ARHGEF10L: variants seen among roughly 807,000 people sequenced by gnomAD.
ARHGEF10L encodes rho guanine nucleotide exchange factor 10-like protein.
In ARHGEF10L, 69 loss-of-function variants were observed where a neutral mutation model predicts 141.2. That is an observed-to-expected ratio of 0.49 (90% CI 0.40 to 0.60). The LOEUF (loss-of-function observed/expected upper bound fraction) is 0.60, where lower values mean the gene tolerates loss of function less well. Ranked by LOEUF, ARHGEF10L falls within the 20% of genes least tolerant of loss-of-function variation. The pLI, the probability that ARHGEF10L is intolerant of heterozygous loss-of-function variation, is 0.00. For synonymous variants in ARHGEF10L, 711 were observed against 718.5 expected (o/e 0.99, Z 0.17); for missense variants, 1,482 against 1,734.3 (o/e 0.85, Z 2.58).
chr1:17,540,836 G>T (rs1006742618), intron 1 of ARHGEF10L, among the ~76,000 whole-genome samples: 3 of 152,222 alleles, frequency 2.0e-5, no homozygotes, highest in Non-Finnish European at 2.9e-5. Flanking sequence ...CGCCCCACCT[G>T]CCGGGAGCCC....
At chr1:17,653,721 G>C (rs2062068311) in intron 22 of ARHGEF10L, among the ~76,000 whole-genome samples, 1 of 152,220 alleles carries the variant, frequency 6.6e-6, no homozygotes, top group Admixed American at 6.5e-5. Context: ...AGAATAGAAA[G>C]AGCCCTGAAC....
intron 1 of ARHGEF10L, among the ~76,000 whole-genome samples, chr1:17,554,963 A>G (rs2100759781): frequency 6.6e-6 from 1 of 152,242 alleles, no homozygotes; most frequent in Admixed American, 6.5e-5. Flanking sequence ...CAATCAGGAG[A>G]ACAAGAACAA....
In ARHGEF10L at chr1:17,654,738, G is replaced by A. The variant is rs778440849; in HGVS notation, c.2481+16G>A. 6.2e-7 allele frequency: 1 copy of A among 1,610,290 alleles called. No individual in the cohort carries two copies. Among genetic ancestry groups the A allele is most frequent in the South Asian group, 1.1e-5 (1 of 91,038 alleles). ...CTACCTCTGGGTGAGTCACCCCCCT[G>A]CCCAGCTGGGCATTCTGGCCTCAGG... On this transcript the variant is annotated intron_variant, in intron 23 of 28. Coordinates refer to ENST00000361221, the MANE Select transcript of ARHGEF10L (RefSeq NM_018125.4). The surrounding 1 kb of genome is among the most constrained non-coding windows in gnomAD (Gnocchi z 4.3).
chr1:17,609,749 G>C (rs1328212741), intron 7 of ARHGEF10L, among the ~76,000 whole-genome samples: 1 of 152,188 alleles, frequency 6.6e-6, no homozygotes, highest in Non-Finnish European at 1.5e-5. Flanking sequence ...TTGGAGCTGG[G>C]CTTAGGAGCT....
At position 17,654,793 on chromosome 1, in the gene ARHGEF10L, G is replaced by A. The variant is rs111323077; in HGVS notation, c.2481+71G>A. ...GAGTAGGGAGAGCGGCACCTGGGAG[G>A]GGGTGCTGGAGACAGCAGCTGCCTG... On this transcript the variant is annotated intron_variant, in intron 23 of 28. Coordinates refer to ENST00000361221, the MANE Select transcript of ARHGEF10L (RefSeq NM_018125.4). This position sits in a 1 kb window ranked among gnomAD's most constrained non-coding sequence, Gnocchi z 4.3. 1.5e-3 allele frequency: 2,178 copies of A among 1,426,510 alleles called. 31 individuals are homozygous for A. In the African/African-American group the frequency reaches 0.027, roughly 18 times the overall value. The allele number at this position is 1,426,510 out of a possible 1,614,324, so 88.4% of individuals were successfully genotyped here. A position where few individuals can be genotyped will look rare whatever the true frequency, so the allele number is the denominator to read the frequency against.
intron 26 of ARHGEF10L, among the ~76,000 whole-genome samples, chr1:17,680,299 C>T (rs948345920): frequency 6.6e-6 from 1 of 152,240 alleles, no homozygotes; most frequent in Non-Finnish European, 1.5e-5. Flanking sequence ...CTGTGCCCAG[C>T]GAGCCTTCCG....
At chr1:17,618,005 G>A (rs1447546422) in intron 9 of ARHGEF10L, among the ~76,000 whole-genome samples, 2 of 152,136 alleles carry the variant, frequency 1.3e-5, no homozygotes, top group African/African-American at 2.4e-5. Flanking sequence ...AGCCCCACCC[G>A]TGCACTTGGT....
chr1:17,692,390 C>A (rs1016308543), intron 27 of ARHGEF10L, among the ~76,000 whole-genome samples: 19 of 152,230 alleles, frequency 1.2e-4, no homozygotes, highest in Non-Finnish European at 2.6e-4. Context: ...GTGTCTCAGA[C>A]CACACATCCA....
At chr1:17,518,433 A>T in the ARHGEF10L span, among the ~76,000 whole-genome samples, 1 of 152,212 alleles carries the variant, frequency 6.6e-6, no homozygotes. Context: ...ATGTCTAGAT[A>T]CTTGTGCTCT....
chr1:17,634,874 C>T lies in ARHGEF10L; in HGVS notation c.1785C>T (p.Pro595=), dbSNP rs377196883. The T allele has an allele frequency of 1.1e-4, 180 of 1,613,880 alleles. No homozygotes were observed. Among genetic ancestry groups the T allele is most frequent in the African/African-American group, 4.0e-5 (3 of 74,904 alleles). The change falls in exon 18 of 29, where the codon CCC becomes CCT. Residue 595 remains proline, a synonymous_variant. Transcript: ENST00000361221. The part of the protein sequence containing the change: ...LEISSLVPLG[P]KYVVKWNTAL... Reference sequence around the variant, plus strand: ...TCAGCAGCCTGGTGCCCCTGGGGCCCAAGTATGTGGTGAAGTGGAACACGG... The same window carrying T: ...TCAGCAGCCTGGTGCCCCTGGGGCCTAAGTATGTGGTGAAGTGGAACACGG...
At chr1:17,670,721 G>A (rs1323444165) in intron 26 of ARHGEF10L, among the ~76,000 whole-genome samples, 2 of 152,240 alleles carry the variant, frequency 1.3e-5, no homozygotes, top group African/African-American at 2.4e-5. Flanking sequence ...TACACATTAT[G>A]CTATTGGATC....
chr1:17,534,896 G>C (rs2076553412), upstream of ARHGEF10L, among the ~76,000 whole-genome samples: 1 of 152,042 alleles, frequency 6.6e-6, no homozygotes, highest in African/African-American at 2.4e-5. Context: ...GCCACTTTCT[G>C]TTTGATCTAC....
chr1:17,566,247 G>T (rs2256784), intron 1 of ARHGEF10L, among the ~76,000 whole-genome samples: 6 of 152,058 alleles, frequency 3.9e-5, no homozygotes, highest in Admixed American at 3.3e-4. Context: ...GATGTTTAGC[G>T]GCTTCCCTGG....
At position 17,656,370 on chromosome 1, in the gene ARHGEF10L, C is replaced by T. The variant is rs140672608; in HGVS notation, c.2706-184C>T. Among the ~76,000 whole-genome samples, 5 of 152,304 alleles carry T rather than the reference C, an allele frequency of 3.3e-5. No homozygotes were observed. The highest frequency in any genetic ancestry group is 6.5e-5 in the Admixed American group (1 of 15,296). ...CGTGACAGAGGTGTCAGGGAGGGTA[C>T]CGTCCCAGAAAACCATGGAAAAGTG... On this transcript the variant is annotated intron_variant, in intron 24 of 28. Coordinates refer to ENST00000361221, the MANE Select transcript of ARHGEF10L (RefSeq NM_018125.4). This position sits in a 1 kb window ranked among gnomAD's most constrained non-coding sequence, Gnocchi z 4.9.
At chr1:17,680,787 CTT>C (rs34585748) in intron 26 of ARHGEF10L, among the ~76,000 whole-genome samples, 3 of 136,328 alleles carry the variant, frequency 2.2e-5, no homozygotes, top group Admixed American at 7.4e-5. Context: ...TCTCCCATAA[CTT>C]TTTTTTTTTT....
At chr1:17,661,958 C>T (rs1364755920) in intron 25 of ARHGEF10L, among the ~76,000 whole-genome samples, 1 of 152,144 alleles carries the variant, frequency 6.6e-6, no homozygotes, top group African/African-American at 2.4e-5. Context: ...GTTCAAAACC[C>T]GTCTGGCCTG....
intron 2 of ARHGEF10L, among the ~76,000 whole-genome samples, chr1:17,582,655 G>A (rs2100549126): frequency 6.6e-6 from 1 of 152,292 alleles, no homozygotes; most frequent in South Asian, 2.1e-4. Flanking sequence ...CATCCTTTAA[G>A]GCTCAGTGCG....
At chr1:17,626,736 C>T (rs2060407530) in intron 14 of ARHGEF10L, among the ~76,000 whole-genome samples, 2 of 152,220 alleles carry the variant, frequency 1.3e-5, no homozygotes, top group Admixed American at 6.5e-5. Context: ...CATCCTGAAC[C>T]GAAACTCTGC....
Position 17,621,933 on chromosome 1 carries a change from A to T in ARHGEF10L, c.1012A>T (p.Ile338Leu). ...EGSYVESLKR[I>L]LQDYRNPLME... is the part of the protein sequence containing the mutation. ...CAGCTACGTGGAGTCTCTGAAGCGG[A>T]TACTCCAGGTGCGACTTCAGGGAGT... Residue 338 changes from isoleucine to leucine, a missense_variant, in exon 11 of 29, where the codon ATA becomes TTA. Around this residue, in one of 3 missense-constraint regions of ARHGEF10L, gnomAD observed 392 missense variants for 542.1 expected, o/e 0.72. Coordinates refer to ENST00000361221, the MANE Select transcript of ARHGEF10L (RefSeq NM_018125.4). The surrounding 1 kb of genome is among the most constrained non-coding windows in gnomAD (Gnocchi z 4.1). 6.2e-7 allele frequency: 1 copy of T among 1,614,128 alleles called. No homozygotes were observed. The highest frequency in any genetic ancestry group is 1.1e-5 in the South Asian group (1 of 91,082).
Sources: allele counts gnomAD v4.1 joint callset (sites outside exome capture counted in the v4.1 genomes callset), GRCh38; gene constraint gnomAD v4.1.1; regional missense constraint gnomAD v4.1.1; non-coding constraint Gnocchi (gnomAD v3.1); transcripts MANE v1.5; gene names NCBI Gene and HGNC (gene_info 2026-07-23, HGNC 2026-07-21).